Variants in MAN2C1 observed in about 807,000 individuals in gnomAD.
The protein encoded by MAN2C1 is mannosidase alpha class 2C member 1.
Under a neutral mutation model 126.9 loss-of-function variants are expected in MAN2C1, and 111 were observed. The ratio of observed to expected loss-of-function variants is 0.87; its 90% CI spans 0.75 to 1.02. MAN2C1 has a LOEUF of 1.02. MAN2C1 is among the 50% of genes least tolerant of loss of function. The pLI, the probability that MAN2C1 is intolerant of heterozygous loss-of-function variation, is 0.00. For synonymous variants in MAN2C1, 567 were observed against 561.5 expected (o/e 1.01, Z -0.14); for missense variants, 1,363 against 1,364.4 (o/e 1.00, Z 0.02).
rs1220341287 is a variant in MAN2C1, at chr15:75,355,870, A to T, written c.*36T>A. On this transcript the variant is annotated 3_prime_UTR_variant, in exon 26 of 26. Coordinates refer to ENST00000267978, the MANE Select transcript of MAN2C1 (RefSeq NM_006715.4). Reference sequence around the variant, plus strand: ...GGGGAAGCAGAAATTAGGAGTCCCCAGAGCCTTCTACAAACAAAACCCCAG... The same window carrying T: ...GGGGAAGCAGAAATTAGGAGTCCCCTGAGCCTTCTACAAACAAAACCCCAG... 2 of 1,613,476 alleles carry T rather than the reference A, an allele frequency of 1.2e-6. No homozygotes were observed. Among genetic ancestry groups the T allele is most frequent in the South Asian group, 1.1e-5 (1 of 90,986 alleles).
At chr15:75,368,236 GC>G in intron 1 of MAN2C1, 38 bp from the exon 2 acceptor site, 1 of 1,566,164 alleles carries the variant, frequency 6.4e-7, no homozygotes, top group Non-Finnish European at 8.6e-7. Flanking sequence ...GCTGGAGGCC[GC>G]CCCGTTTCCG....
Position 75,356,747 on chromosome 15 carries a change from C to G in MAN2C1, c.2657+46G>C. ...CTGTTGGAGTTGTGGTCGGGAAGAC[C>G]CATTTCTCCATGCCAGCTCCCAGGC... On this transcript the variant is annotated intron_variant, in intron 22 of 25. Transcript: ENST00000267978. This position sits in a 1 kb window ranked among gnomAD's most constrained non-coding sequence, Gnocchi z 5.8. The G allele has an allele frequency of 1.9e-6, 3 of 1,612,794 alleles. No individual in the cohort carries two copies. The highest frequency in any genetic ancestry group is 2.5e-6 in the Non-Finnish European group (3 of 1,179,134).
In MAN2C1 at chr15:75,368,606, C is replaced by G. The variant is rs117557132; in HGVS notation, c.-23G>C. 1.3e-6 allele frequency: 2 copies of G among 1,513,296 alleles called. No individual in the cohort carries two copies. Among genetic ancestry groups the G allele is most frequent in the East Asian group, 2.5e-5 (1 of 40,378 alleles). 93.7% of individuals were successfully genotyped at this position (1,513,296 alleles called of 1,614,324 possible). ...CATCGCCGGGCTCTCGCTCCTCTTT[C>G]CGGAAGGCCCCTGGCGCTACCGTTC... On this transcript the variant is annotated 5_prime_UTR_variant, in exon 1 of 26. Coordinates refer to ENST00000267978, the MANE Select transcript of MAN2C1 (RefSeq NM_006715.4).
At position 75,358,531 on chromosome 15, in the gene MAN2C1, G is replaced by T; in HGVS notation, c.2334C>A (p.Ser778Arg). 6.2e-7 allele frequency: 1 copy of T among 1,613,484 alleles called. No homozygotes were observed. The change falls in exon 20 of 26, where the codon AGC (serine) becomes AGA (arginine). Residue 778 changes from serine (S) to arginine (R), a missense_variant. Physicochemically the swap from Ser to Arg is moderately radical, Grantham distance 110 (BLOSUM62 -1). This residue lies in a region of MAN2C1 where 668 missense variants were observed against 650.1 expected (regional missense o/e 1.03). Coordinates refer to ENST00000267978, the MANE Select transcript of MAN2C1 (RefSeq NM_006715.4). ...RGSAWFLLQI[S>R]PNSRLSQEVV... is the part of the protein sequence containing the mutation. Reference sequence around the variant, plus strand: ...CCTCCTGGCTAAGCCGACTGTTGGGGCTGATCTGTAGCAAGAACCAGGCGC... The same window carrying T: ...CCTCCTGGCTAAGCCGACTGTTGGGTCTGATCTGTAGCAAGAACCAGGCGC...
Position 75,356,313 on chromosome 15 carries a change from C to CG in MAN2C1, c.2873_2874insC (p.Glu958AspfsTer21). On this transcript the variant is annotated frameshift_variant, in exon 24 of 26. Coordinates refer to ENST00000267978, the MANE Select transcript of MAN2C1 (RefSeq NM_006715.4). LOFTEE classifies it high-confidence loss of function. This position sits in a 1 kb window ranked among gnomAD's most constrained non-coding sequence, Gnocchi z 5.8. ...TCCCACCCCTTGCCTGCTTGACGGT[C>CG]TCCAATACGACCGCGGGTGAAGACA... The CG allele has an allele frequency of 6.2e-7, 1 of 1,611,726 alleles. No homozygotes were observed.
rs1345320462 is a variant in MAN2C1 at position 75,361,415 on chromosome 15, G to GCCCTC, written c.1219-35_1219-34insGAGGG. On this transcript the variant is annotated intron_variant, in intron 10 of 25. Coordinates refer to ENST00000267978, the MANE Select transcript of MAN2C1 (RefSeq NM_006715.4). This position sits in a 1 kb window ranked among gnomAD's most constrained non-coding sequence, Gnocchi z 5.0. Reference sequence around the variant, plus strand: ...AGGGAAACAGAAGCAGGGCAGAGAGGCCAGAGTCAGGGCTGAGGCAGAGCC... The same window carrying GCCCTC: ...AGGGAAACAGAAGCAGGGCAGAGAGGCCCTCCCAGAGTCAGGGCTGAGGCAGAGCC... 2.0e-6 allele frequency: 3 copies of GCCCTC among 1,507,928 alleles called. No individual in the cohort carries two copies. Among genetic ancestry groups the GCCCTC allele is most frequent in the Non-Finnish European group, 1.8e-6 (2 of 1,099,724 alleles). The allele number at this position is 1,507,928 out of a possible 1,614,324, so 93.4% of individuals were successfully genotyped here.
At chr15:75,360,493 C>T in intron 13 of MAN2C1, 72 bp downstream of exon 13, 1 of 1,584,892 alleles carries the variant, frequency 6.3e-7, no homozygotes, top group Non-Finnish European at 8.6e-7. Flanking sequence ...GCTCTGTCCC[C>T]TGCTGCCTTC....
intron 14 of MAN2C1, 28 bp downstream of exon 14, chr15:75,360,062 T>G (rs1334464210): frequency 6.2e-7 from 1 of 1,613,848 alleles, no homozygotes; most frequent in Non-Finnish European, 8.5e-7. Context: ...AGCAGTCAGG[T>G]GGATGGCAGG....
At chr15:75,366,187 A>T (rs1038591448) in intron 4 of MAN2C1, among the ~76,000 whole-genome samples, 2 of 152,204 alleles carry the variant, frequency 1.3e-5, no homozygotes, top group Admixed American at 6.5e-5. Flanking sequence ...TCCTGTATTT[A>T]CCACAGGCAA....
At position 75,366,799 on chromosome 15, in the gene MAN2C1, C is replaced by T. The variant is rs563955432; in HGVS notation, c.352-207G>A. Among the ~76,000 whole-genome samples, 4 of 152,350 alleles carry T rather than the reference C, an allele frequency of 2.6e-5. No homozygotes were observed. The East Asian group carries it at 5.8e-4, about 22-fold the overall frequency. ...CCAGCACCATGACCGTCAAATAGCC[C>T]CTGTTTACCAGTGGCAAACCCATGG... On this transcript the variant is annotated intron_variant, in intron 3 of 25. Coordinates refer to ENST00000267978, the MANE Select transcript of MAN2C1 (RefSeq NM_006715.4).
chr15:75,361,583 A>G lies in MAN2C1; in HGVS notation c.1218+21T>C. The G allele has an allele frequency of 6.3e-7, 1 of 1,587,758 alleles. No individual in the cohort carries two copies. On this transcript the variant is annotated intron_variant, in intron 10 of 25. Transcript: ENST00000267978. The surrounding 1 kb of genome is among the most constrained non-coding windows in gnomAD (Gnocchi z 5.0). Reference sequence around the variant, plus strand: ...GGGACTGAGGCCCACTCTGACCCTGACCCCCCGGGGGCCTGCTTACTGGGA... The same window carrying G: ...GGGACTGAGGCCCACTCTGACCCTGGCCCCCCGGGGGCCTGCTTACTGGGA...
rs747324938 is a variant in MAN2C1, at chr15:75,368,577, C to T, written c.7G>A (p.Ala3Thr). ...CGCCAGTGCTTCAAGGCCGGCGCAG[C>T]CGCCATCGCCGGGCTCTCGCTCCTC... is the stretch of plus-strand genomic sequence containing the variant. MA[A>T]APALKHWRTT... The change falls in exon 1 of 26, where the codon GCT (alanine) becomes ACT (threonine). Residue 3 changes from alanine (A) to threonine (T), a missense_variant. Physicochemically the swap from Ala to Thr is moderately conservative, Grantham distance 58. Around this residue, in one of 3 missense-constraint regions of MAN2C1, gnomAD observed 628 missense variants for 609.8 expected, o/e 1.03. Transcript: ENST00000267978. The T allele has an allele frequency of 1.9e-6, 3 of 1,542,938 alleles. No individual in the cohort carries two copies. In the South Asian group the frequency reaches 3.6e-5, roughly 18 times the overall value.
chr15:75,365,929 A>T (rs759595526), intron 4 of MAN2C1: 32 of 342,212 alleles, frequency 9.4e-5, no homozygotes, highest in South Asian at 6.0e-4. Context: ...TACCAAAAAT[A>T]AAAAAAAAAT....
At position 75,362,388 on chromosome 15, in the gene MAN2C1, C is replaced by A; in HGVS notation, c.963G>T (p.Ala321=). 1 of 1,613,976 alleles carries A rather than the reference C, an allele frequency of 6.2e-7. No homozygotes were observed. The highest frequency in any genetic ancestry group is 1.1e-5 in the South Asian group (1 of 91,088). ...PGLYSRIQEF[A]CRGQFVPVGG... is the part of the protein sequence containing the mutation. The stretch of plus-strand genomic sequence containing the variant: ...CCACAGGCACAAACTGCCCACGGCA[C>A]GCAAACTCCTGGATGCGGGAGTACA... The change falls in exon 8 of 26, where the codon GCG becomes GCT. Residue 321 remains alanine, a synonymous_variant. Transcript: ENST00000267978. The surrounding 1 kb of genome is among the most constrained non-coding windows in gnomAD (Gnocchi z 4.5).
In MAN2C1 at chr15:75,361,017, G is replaced by A; in HGVS notation, c.1460+29C>T. 1 of 1,595,310 alleles carries A rather than the reference G, an allele frequency of 6.3e-7. No individual in the cohort carries two copies. The highest frequency in any genetic ancestry group is 8.5e-7 in the Non-Finnish European group (1 of 1,171,686). On this transcript the variant is annotated intron_variant, in intron 12 of 25. Transcript: ENST00000267978. This position sits in a 1 kb window ranked among gnomAD's most constrained non-coding sequence, Gnocchi z 5.0. ...GCTCATGGCAAGGGCCCAGGGTGGGGCTAAAGGAGAGCCAAGGCCTGGCCT... is the reference window on the plus strand; with the variant it reads ...GCTCATGGCAAGGGCCCAGGGTGGGACTAAAGGAGAGCCAAGGCCTGGCCT...
chr15:75,363,178 C>T, intron 6 of MAN2C1: 1 of 457,360 alleles, frequency 2.2e-6, no homozygotes, highest in South Asian at 1.5e-5. Flanking sequence ...TGCAGTTCCT[C>T]CCTTACCAGC....
intron 4 of MAN2C1, chr15:75,366,066 G>A (rs745369316): frequency 8.8e-5 from 28 of 319,356 alleles, no homozygotes; most frequent in Non-Finnish European, 1.2e-4. Flanking sequence ...CAGCATCGGC[G>A]ACAGAGGGAG....
rs775315011 is a variant in MAN2C1, at chr15:75,358,613, G to A, written c.2252C>T (p.Pro751Leu). The change falls in exon 20 of 26, where the codon CCT becomes CTT. Residue 751 changes from proline to leucine, a missense_variant. Physicochemically the swap from Pro to Leu is moderately conservative, Grantham distance 98. Transcript: ENST00000267978. ...CAGGGTCCCTGCCTGGCCCAGCACA[G>A]GCTTCCTATGGGACAGGGGTGGACA... ...VMDYHLETRKPVLGQAGTLAV... is the reference protein window; with the variant it reads ...VMDYHLETRKLVLGQAGTLAV... 2.9e-5 allele frequency: 46 copies of A among 1,613,184 alleles called. No homozygotes were observed. The East Asian group carries it at 7.1e-4, about 25-fold the overall frequency.
intron 21 of MAN2C1, chr15:75,357,158 T>C (rs2072340366): frequency 2.1e-6 from 1 of 469,684 alleles, no homozygotes; most frequent in Non-Finnish European, 3.8e-6. Flanking sequence ...AACTTTGTTT[T>C]TTTCACACAG....
Sources: allele counts gnomAD v4.1 joint callset (sites outside exome capture counted in the v4.1 genomes callset), GRCh38; gene constraint gnomAD v4.1.1; regional missense constraint gnomAD v4.1.1; non-coding constraint Gnocchi (gnomAD v3.1); transcripts MANE v1.5; gene names NCBI Gene and HGNC (gene_info 2026-07-23, HGNC 2026-07-21).